EXOC3L1: variants seen among roughly 807,000 people sequenced by gnomAD.
EXOC3L1 encodes the protein exocyst complex component 3-like protein.
In EXOC3L1, 79 loss-of-function variants were observed where a neutral mutation model predicts 83.6. The observed-to-expected ratio is 0.95, with a 90% confidence interval of 0.79 to 1.14. The LOEUF is 1.14. Ranked by LOEUF, EXOC3L1 falls within the 50% of genes most tolerant of loss-of-function variation. EXOC3L1 has a pLI of 0.00. For synonymous variants in EXOC3L1, 433 were observed against 451.2 expected (o/e 0.96, Z 0.51); for missense variants, 945 against 972.0 (o/e 0.97, Z 0.37).
Position 67,189,157 on chromosome 16 carries a change from G to A in EXOC3L1, c.70C>T (p.Arg24Trp), listed in dbSNP as rs1046349778. The A allele has an allele frequency of 6.9e-6, 11 of 1,604,686 alleles. No individual in the cohort carries two copies. The highest frequency in any genetic ancestry group is 4.0e-5 in the African/African-American group (3 of 74,904). Residue 24 changes from arginine to tryptophan, a missense_variant, in exon 3 of 14, where the codon CGG becomes TGG. Coordinates refer to ENST00000314586, the MANE Select transcript of EXOC3L1 (RefSeq NM_178516.4). ...SPGPEWPEQERAEQLARGAAL... is the reference protein window; with the variant it reads ...SPGPEWPEQEWAEQLARGAAL... ...GCACCCCGGGCCAGCTGCTCTGCCC[G>A]CTCCTGCTCTGGCCACTCAGGTCCT...
chr16:67,185,585 G>A, intron 9 of EXOC3L1, 95 bp from the exon 10 acceptor site: 2 of 1,187,036 alleles, frequency 1.7e-6, no homozygotes, highest in Middle Eastern at 2.5e-4. Context: ...TGGGGCAAGT[G>A]TTTGACGGGA....
Position 67,187,224 on chromosome 16 carries a change from C to T in EXOC3L1, c.1040+1G>A, listed in dbSNP as rs780159172. ...TGTCCCGCTGCCCCAAAGGCACTGA[C>T]CCCAGGTACACATGCAGTGCCCAGT... On this transcript the variant is annotated splice_donor_variant, in intron 5 of 13. Transcript: ENST00000314586. LOFTEE classifies it high-confidence loss of function. 1 of 1,609,876 alleles carries T rather than the reference C, an allele frequency of 6.2e-7. No homozygotes were observed. The highest frequency in any genetic ancestry group is 1.7e-5 in the Admixed American group (1 of 59,966).
Position 67,184,889 on chromosome 16 carries a change from A to T in EXOC3L1, c.1905+13T>A. 1 of 1,611,994 alleles carries T rather than the reference A, an allele frequency of 6.2e-7. No homozygotes were observed. Among genetic ancestry groups the T allele is most frequent in the Non-Finnish European group, 8.5e-7 (1 of 1,179,812 alleles). ...GAGACTCTCGCCCGTCTGCCCGCCC[A>T]AGAAGCTCTCACCAAACTGAGGAAA... On this transcript the variant is annotated intron_variant, in intron 12 of 13. Coordinates refer to ENST00000314586, the MANE Select transcript of EXOC3L1 (RefSeq NM_178516.4).
intron 9 of EXOC3L1, 186 bp from the exon 10 acceptor site, chr16:67,185,676 A>G (rs1413914104): frequency 4.9e-6 from 3 of 610,478 alleles, no homozygotes; most frequent in South Asian, 4.0e-5. Context: ...GCGAGCTGCA[A>G]AGGACACAGC....
rs951975252 is a variant in EXOC3L1 at position 67,187,720 on chromosome 16, C to T, written c.545G>A (p.Gly182Asp). Residue 182 changes from glycine (G) to aspartate (D), a missense_variant, in exon 5 of 14, where the codon GGC (glycine) becomes GAC (aspartate). Coordinates refer to ENST00000314586, the MANE Select transcript of EXOC3L1 (RefSeq NM_178516.4). ...CCCCTGGAAGACTGGCAACTCCAGG[C>T]CCCCCAGGGGTGCCCACGTATCCTC... ...LREDTWAPLG[G>D]LELPVFQGLD... 6.2e-7 allele frequency: 1 copy of T among 1,612,872 alleles called. No homozygotes were observed. Among genetic ancestry groups the T allele is most frequent in the African/African-American group, 1.3e-5 (1 of 74,938 alleles).
Position 67,189,628 on chromosome 16 carries a change from T to C in EXOC3L1, c.46+3A>G, listed in dbSNP as rs759409688. On this transcript the variant is annotated splice_donor_region_variant and intron_variant, in intron 2 of 13. Coordinates refer to ENST00000314586, the MANE Select transcript of EXOC3L1 (RefSeq NM_178516.4). The stretch of plus-strand genomic sequence containing the variant: ...TCCCCTAGTCCACCCAAAAGGTTCA[T>C]ACCAGGGGACAACGCCGGCTGCATC... 1 of 1,614,128 alleles carries C rather than the reference T, an allele frequency of 6.2e-7. No individual in the cohort carries two copies. Among genetic ancestry groups the C allele is most frequent in the South Asian group, 1.1e-5 (1 of 91,078 alleles).
At chr16:67,189,483 G>A (rs1329491286) in intron 2 of EXOC3L1, 148 bp downstream of exon 2, 4 of 908,532 alleles carry the variant, frequency 4.4e-6, no homozygotes, top group South Asian at 3.2e-5. Context: ...CACTATGTTG[G>A]CCAGGTTGGT....
In EXOC3L1 at chr16:67,187,762, TC is replaced by T; in HGVS notation, c.502del (p.Glu168SerfsTer82). 6.2e-7 allele frequency: 1 copy of T among 1,612,832 alleles called. No individual in the cohort carries two copies. Among genetic ancestry groups the T allele is most frequent in the Non-Finnish European group, 8.5e-7 (1 of 1,179,924 alleles). On this transcript the variant is annotated frameshift_variant, in exon 5 of 14. Transcript: ENST00000314586. LOFTEE classifies it high-confidence loss of function. Reference sequence around the variant, plus strand: ...CGTATCCTCTCGCAGCTGCTCCAGCTCCCGAAGGCTCACATATGCCTCCAAG... The same window carrying T: ...CGTATCCTCTCGCAGCTGCTCCAGCTCCGAAGGCTCACATATGCCTCCAAG... ...QFLEAYVSLR[E>X]LEQLREDTWA... is the part of the protein sequence containing the mutation.
At position 67,187,225 on chromosome 16, in the gene EXOC3L1, C is replaced by G; in HGVS notation, c.1040G>C (p.Gly347Ala). The change falls in exon 5 of 14, where the codon GGG (glycine) becomes GCG (alanine). Residue 347 changes from glycine to alanine, a missense_variant and splice_region_variant. Coordinates refer to ENST00000314586, the MANE Select transcript of EXOC3L1 (RefSeq NM_178516.4). ...GTCCCGCTGCCCCAAAGGCACTGAC[C>G]CCAGGTACACATGCAGTGCCCAGTG... ...LLHWALHVYL[G>A]QEMMGSLELG... The G allele has an allele frequency of 6.2e-7, 1 of 1,609,968 alleles. No individual in the cohort carries two copies. The highest frequency in any genetic ancestry group is 8.5e-7 in the Non-Finnish European group (1 of 1,177,478).
rs1271115941 is a variant in EXOC3L1 at position 67,189,634 on chromosome 16, G to A, written c.43C>T (p.Pro15Ser). Residue 15 changes from proline (P) to serine (S), a missense_variant, in exon 2 of 14, where the codon CCT becomes TCT. By Grantham distance (74) the Pro-to-Ser change is moderately conservative. Coordinates refer to ENST00000314586, the MANE Select transcript of EXOC3L1 (RefSeq NM_178516.4). ...AGTCCACCCAAAAGGTTCATACCAG[G>A]GGACAACGCCGGCTGCATCTCATCC... ...AKDEMQPALS[P>S]GPEWPEQERA... The A allele has an allele frequency of 6.2e-7, 1 of 1,614,136 alleles. No homozygotes were observed.
chr16:67,189,707 G>A (rs1184975967), intron 1 of EXOC3L1, 24 bp from the exon 2 acceptor site: 1 of 1,612,992 alleles, frequency 6.2e-7, no homozygotes, highest in African/African-American at 1.3e-5. Context: ...AGCTGAGGTG[G>A]GCCCGGGGCA....
chr16:67,186,350 G>T lies in EXOC3L1; in HGVS notation c.1386-3C>A, dbSNP rs747273304. 3.1e-5 allele frequency: 49 copies of T among 1,555,698 alleles called. No homozygotes were observed. The Admixed American group carries it at 9.1e-4, about 29-fold the overall frequency. ...ATCGGATCAGAGCATCACTGAAGCT[G>T]CAATGGGCAGAGGTGGCTCCTGGAC... On this transcript the variant is annotated splice_polypyrimidine_tract_variant and splice_region_variant and intron_variant, in intron 8 of 13. Coordinates refer to ENST00000314586, the MANE Select transcript of EXOC3L1 (RefSeq NM_178516.4).
rs763173796 is a variant in EXOC3L1, at chr16:67,185,185, G to A, written c.1700C>T (p.Thr567Met). The A allele has an allele frequency of 3.7e-6, 6 of 1,613,328 alleles. No individual in the cohort carries two copies. The African/African-American group carries it at 5.3e-5, about 14-fold the overall frequency. ...PELLQSVCER[T>M]GRFCRDFWRV... ...CCAGAAGTCCCGGCAGAAGCGCCCC[G>A]TCCGTTCACACACACTTTGCAGGAG... Residue 567 changes from threonine (T) to methionine (M), a missense_variant, in exon 11 of 14, where the codon ACG becomes ATG. Thr to Met is a moderately conservative substitution (Grantham distance 81). Coordinates refer to ENST00000314586, the MANE Select transcript of EXOC3L1 (RefSeq NM_178516.4).
rs748446668 is a variant in EXOC3L1, at chr16:67,184,779, AC to A, written c.1936del (p.Val646CysfsTer5). 4 of 1,599,516 alleles carry A rather than the reference AC, an allele frequency of 2.5e-6. No homozygotes were observed. In the South Asian group the frequency reaches 4.4e-5, roughly 18 times the overall value. ...TAGCAGCTCCCTCAGGGCGAGCAGC[AC>A]CGGCGCGCAGTGCGCGTTCTCCTCC... ...GLEENAHCAP[V>X]LLALRELLNL... On this transcript the variant is annotated frameshift_variant, in exon 13 of 14. Transcript: ENST00000314586. LOFTEE classifies it high-confidence loss of function.
Position 67,189,099 on chromosome 16 carries a change from C to A in EXOC3L1, c.128G>T (p.Arg43Leu). 1 of 1,608,454 alleles carries A rather than the reference C, an allele frequency of 6.2e-7. No individual in the cohort carries two copies. The highest frequency in any genetic ancestry group is 8.5e-7 in the Non-Finnish European group (1 of 1,179,146). ...ALKWASGIFY[R>L]PEQLARLGQY... is the part of the protein sequence containing the mutation. Reference sequence around the variant, plus strand: ...GCCTAGCCTGGCCAGCTGCTCCGGCCGGTAGAAGATGCCTGAGGCCCACTT... The same window carrying A: ...GCCTAGCCTGGCCAGCTGCTCCGGCAGGTAGAAGATGCCTGAGGCCCACTT... The change falls in exon 3 of 14, where the codon CGG becomes CTG. Residue 43 changes from arginine (R) to leucine (L), a missense_variant. Arg to Leu is a moderately radical substitution (Grantham distance 102, BLOSUM62 -2). Transcript: ENST00000314586.
rs1191135278 is a variant in EXOC3L1, at chr16:67,184,972, T to C, written c.1835A>G (p.Asp612Gly). Residue 612 changes from aspartate to glycine, a missense_variant, in exon 12 of 14, where the codon GAC (aspartate) becomes GGC (glycine). Transcript: ENST00000314586. ...MQGRLVCRGADERTQAAERLR... is the reference protein window; with the variant it reads ...MQGRLVCRGAGERTQAAERLR... The stretch of plus-strand genomic sequence containing the variant: ...GCGCTCGGCCGCCTGGGTCCTCTCG[T>C]CGGCTCCGCGGCACACCAGGCGGCC... 3 of 1,610,172 alleles carry C rather than the reference T, an allele frequency of 1.9e-6. No homozygotes were observed. The South Asian group carries it at 3.3e-5, about 18-fold the overall frequency.
Position 67,186,150 on chromosome 16 carries a change from A to G in EXOC3L1, c.1496+87T>C. 6 of 912,892 alleles carry G rather than the reference A, an allele frequency of 6.6e-6. No homozygotes were observed. The Admixed American group carries it at 8.3e-5, about 13-fold the overall frequency. The allele number at this position is 912,892 out of a possible 1,614,324, so 56.5% of individuals were successfully genotyped here. The stretch of plus-strand genomic sequence containing the variant: ...AGGGCGATGTGAGTCCAAAGTCCCT[A>G]GTGTCCTAGTGTGGGCTGAGCCCAT... On this transcript the variant is annotated intron_variant, in intron 9 of 13. Coordinates refer to ENST00000314586, the MANE Select transcript of EXOC3L1 (RefSeq NM_178516.4).
Position 67,189,061 on chromosome 16 carries a change from G to A in EXOC3L1, c.166C>T (p.Arg56Cys), listed in dbSNP as rs771773906. The A allele has an allele frequency of 2.5e-6, 4 of 1,607,238 alleles. No homozygotes were observed. Among genetic ancestry groups the A allele is most frequent in the African/African-American group, 1.3e-5 (1 of 74,948 alleles). Residue 56 changes from arginine (R) to cysteine (C), a missense_variant, in exon 3 of 14, where the codon CGC becomes TGC. By Grantham distance (180) the Arg-to-Cys change is radical. Coordinates refer to ENST00000314586, the MANE Select transcript of EXOC3L1 (RefSeq NM_178516.4). ...QLARLGQYRS[R>C]EVQRTCSLES... ...AGGGAGCAGGTACGCTGCACCTCGC[G>A]GCTGCGGTACTGGCCTAGCCTGGCC...
Position 67,188,922 on chromosome 16 carries a change from G to T in EXOC3L1, c.226C>A (p.Leu76Met), listed in dbSNP as rs767821585. The change falls in exon 4 of 14, where the codon CTG becomes ATG. Residue 76 changes from leucine (L) to methionine (M), a missense_variant. By Grantham distance (15) the Leu-to-Met change is conservative. Coordinates refer to ENST00000314586, the MANE Select transcript of EXOC3L1 (RefSeq NM_178516.4). ...CACACACCAGTCTGCACGCCTTCCA[G>T]GTATGACTGCATCACTGACTGTGGA... Reference protein sequence around the residue: ...SRLKSVMQSYLEGVQTGVWQL... With the variant: ...SRLKSVMQSYMEGVQTGVWQL... 2.7e-5 allele frequency: 44 copies of T among 1,612,886 alleles called. No homozygotes were observed. The highest frequency in any genetic ancestry group is 1.6e-4 in the Middle Eastern group (1 of 6,084).
Sources: gnomAD v4.1 joint callset for allele counts on GRCh38, gnomAD v4.1.1 for gene constraint, MANE v1.5 for transcripts, NCBI Gene and HGNC (gene_info 2026-07-23, HGNC 2026-07-21) for gene names.